The following CHIT1 variants were observed in gnomAD, a reference collection of about 807,000 sequenced individuals.
CHIT1 encodes chitinase 1, also known as chitotriosidase-1.
In CHIT1, 47 loss-of-function variants were observed where a neutral mutation model predicts 52.0. That is an observed-to-expected ratio of 0.90 (90% CI 0.71 to 1.15). The LOEUF (loss-of-function observed/expected upper bound fraction) is 1.15. Among genes scored for constraint, CHIT1 ranks in the 50% most tolerant of loss-of-function variants. CHIT1 has a pLI of 0.00. For missense variants in CHIT1, 569 were observed against 583.0 expected (o/e 0.98, Z 0.25); for synonymous variants, 242 against 228.2 (o/e 1.06, Z -0.54).
At chr1:203,228,658 G>T in intron 1 of CHIT1, 96 bp from the exon 2 acceptor site, 1 of 1,366,124 alleles carries the variant, frequency 7.3e-7, no homozygotes. Context: ...GTCAGGGAGG[G>T]CTGATTTCAT....
At chr1:203,229,800 A>G (rs1657070222), upstream of CHIT1, 13 of 779,906 alleles carry the variant, frequency 1.7e-5, no homozygotes, top group Non-Finnish European at 2.2e-5. Context: ...GTCAAGCAGC[A>G]TGAATTGGGC....
Position 203,216,969 on chromosome 1 carries a change from C to A in CHIT1, c.1321G>T (p.Ala441Ser). ...CTTTGCTGGAACAGCCGCCCCGCTG[C>A]ACAGCTGTAGAAGCTGGACCGTTCC... Reference protein sequence around the residue: ...PRERSSFYSCAAGRLFQQSCP... With the variant: ...PRERSSFYSCSAGRLFQQSCP... Residue 441 changes from alanine to serine, a missense_variant, in exon 11 of 11, where the codon GCA (alanine) becomes TCA (serine). Coordinates refer to ENST00000367229, the MANE Select transcript of CHIT1 (RefSeq NM_003465.3). 6.2e-7 allele frequency: 1 copy of A among 1,614,208 alleles called. No homozygotes were observed. The highest frequency in any genetic ancestry group is 8.5e-7 in the Non-Finnish European group (1 of 1,180,004).
At chr1:203,217,506 T>C (rs1436580846) in intron 10 of CHIT1, 1 of 1,122,412 alleles carries the variant, frequency 8.9e-7, no homozygotes, top group Non-Finnish European at 1.3e-6. Context: ...GAAGCCACGG[T>C]TACAACAACC....
rs1656520963 is a variant in CHIT1 at position 203,216,271 on chromosome 1, A to G, written c.*618T>C. The G allele has an allele frequency of 2.2e-6, 1 of 454,116 alleles. No individual in the cohort carries two copies. The highest frequency in any genetic ancestry group is 4.4e-6 in the Non-Finnish European group (1 of 226,792). 28.1% of individuals were successfully genotyped at this position (454,116 alleles called of 1,614,324 possible). A position where few individuals can be genotyped will look rare whatever the true frequency, so the allele number is the denominator to read the frequency against. ...GTGAGATAGGGCCTGCAAAGGGCCC[A>G]AACAGGATTTATCTCGAAGACCCCT... On this transcript the variant is annotated 3_prime_UTR_variant, in exon 11 of 11. Transcript: ENST00000367229.
intron 6 of CHIT1, among the ~76,000 whole-genome samples, 158 bp downstream of exon 6, chr1:203,222,977 C>A (rs1656791986): frequency 4.6e-5 from 7 of 152,180 alleles, no homozygotes. Flanking sequence ...ACCCTGAGTA[C>A]AAAAGCAGGG....
At chr1:203,229,814 C>A (rs1657070905), upstream of CHIT1, 1 of 722,258 alleles carries the variant, frequency 1.4e-6, no homozygotes, top group African/African-American at 1.7e-5. Flanking sequence ...ATTGGGCAAA[C>A]TTGACACAAT....
At chr1:203,221,916 G>A (rs1656750020) in intron 7 of CHIT1, among the ~76,000 whole-genome samples, 1 of 152,154 alleles carries the variant, frequency 6.6e-6, no homozygotes, top group Non-Finnish European at 1.5e-5. Context: ...CTGCTGGCTG[G>A]AGACTCAAGC....
In CHIT1 at chr1:203,216,983, C is replaced by CT. The variant is rs1171561320; in HGVS notation, c.1306dup (p.Ser436LysfsTer35). On this transcript the variant is annotated frameshift_variant, in exon 11 of 11. Transcript: ENST00000367229. LOFTEE classifies it low-confidence loss of function (END_TRUNC). ...CCGCCCCGCTGCACAGCTGTAGAAG[C>CT]TGGACCGTTCCCGAGGATTGGGATA... 6.2e-7 allele frequency: 1 copy of CT among 1,614,090 alleles called. No individual in the cohort carries two copies.
chr1:203,229,720 C>T, upstream of CHIT1: 1 of 1,550,002 alleles, frequency 6.5e-7, no homozygotes, highest in Non-Finnish European at 8.9e-7. Flanking sequence ...CCTGTCCCAC[C>T]CCAGCCAGGA....
At chr1:203,228,602 A>G (rs1237630181) in intron 1 of CHIT1, 40 bp from the exon 2 acceptor site, 2 of 1,564,358 alleles carry the variant, frequency 1.3e-6, no homozygotes, top group African/African-American at 1.4e-5. Flanking sequence ...TTATGCTGCC[A>G]TTCTCACCTT....
At chr1:203,223,347 G>A (rs1311106713) in intron 5 of CHIT1, 88 bp from the exon 6 acceptor site, 10 of 1,609,670 alleles carry the variant, frequency 6.2e-6, no homozygotes, top group Admixed American at 1.7e-5. Context: ...ACTTGTAGAA[G>A]TCTGAGAGCT....
At chr1:203,222,163 G>A (rs745323731) in intron 7 of CHIT1, 39 bp downstream of exon 7, 1 of 1,612,628 alleles carries the variant, frequency 6.2e-7, no homozygotes, top group East Asian at 2.2e-5. Context: ...GGGCCTGCTG[G>A]ACAGGGGAGT....
chr1:203,230,017 G>T, upstream of CHIT1: 1 of 316,166 alleles, frequency 3.2e-6, no homozygotes, highest in South Asian at 3.2e-5. Flanking sequence ...TGACTCACGA[G>T]TCAGGCAGCT....
Position 203,223,788 on chromosome 1 carries a change from G to A in CHIT1, c.315-128C>T, listed in dbSNP as rs191401357. On this transcript the variant is annotated intron_variant, in intron 4 of 10. Transcript: ENST00000367229. ...GTCTGGGCTAGGAGGGGCACTGGGA[G>A]GGCTGCTTCAGAGGCTGCAGGGATA... 2.4e-4 allele frequency: 234 copies of A among 973,618 alleles called. 4 individuals carry two copies. The African/African-American group carries it at 3.3e-3, about 14-fold the overall frequency. 60.3% of individuals were successfully genotyped at this position (973,618 alleles called of 1,614,324 possible).
intron 7 of CHIT1, among the ~76,000 whole-genome samples, chr1:203,220,240 T>A (rs1656686914): frequency 6.6e-6 from 1 of 152,168 alleles, no homozygotes; most frequent in African/African-American, 2.4e-5. Context: ...GTCTGTAACA[T>A]GGAAATAAGG....
intron 6 of CHIT1, 123 bp downstream of exon 6, chr1:203,223,012 A>G (rs1656793259): frequency 7.6e-7 from 1 of 1,318,134 alleles, no homozygotes. Context: ...GTTCTGGTGT[A>G]AGGATGGGAC....
Position 203,217,337 on chromosome 1 carries a change from G to A in CHIT1, c.1157-204C>T, listed in dbSNP as rs1656570478. 4 of 1,521,810 alleles carry A rather than the reference G, an allele frequency of 2.6e-6. No individual in the cohort carries two copies. In the Admixed American group the frequency reaches 5.9e-5, roughly 23 times the overall value. 94.3% of individuals were successfully genotyped at this position (1,521,810 alleles called of 1,614,324 possible). A position where few individuals can be genotyped will look rare whatever the true frequency, so the allele number is the denominator to read the frequency against. ...AGCACAGTGCCACAGGCAACACCTG[G>A]CCTCACATGTGACAGGCAGTTAAGG... On this transcript the variant is annotated intron_variant, in intron 10 of 10. Transcript: ENST00000367229.
In CHIT1 at chr1:203,216,770, G is replaced by A. The variant is rs56391640; in HGVS notation, c.*119C>T. On this transcript the variant is annotated 3_prime_UTR_variant, in exon 11 of 11. Transcript: ENST00000367229. ...CTGAGAGCAGAAAGCCTGGATAAAG[G>A]AAGACCACAGAAAGGCCTGCAGGAG... 13,077 of 1,357,118 alleles carry A rather than the reference G, an allele frequency of 9.6e-3. 88 individuals are homozygous for A. The highest frequency in any genetic ancestry group is 0.012 in the Non-Finnish European group (11,053 of 954,094). The allele number at this position is 1,357,118 out of a possible 1,614,324, so 84.1% of individuals were successfully genotyped here.
At chr1:203,225,609 G>A (rs1056284820) in intron 3 of CHIT1, 60 bp downstream of exon 3, 20 of 1,552,838 alleles carry the variant, frequency 1.3e-5, no homozygotes, top group Non-Finnish European at 1.8e-5. Flanking sequence ...CTGGCTCTGG[G>A]AGGAGGTTAT....
Sources: gnomAD v4.1 joint callset for allele counts (sites outside exome capture counted in the v4.1 genomes callset) on GRCh38, gnomAD v4.1.1 for gene constraint, MANE v1.5 for transcripts, NCBI Gene and HGNC (gene_info 2026-07-23, HGNC 2026-07-21) for gene names.